PRKCE: variants seen among roughly 807,000 people sequenced by gnomAD.
The protein encoded by PRKCE is protein kinase C epsilon type.
A neutral mutation model predicts 85.4 loss-of-function variants in PRKCE; 16 were observed. That is an observed-to-expected ratio of 0.19 (90% CI 0.13 to 0.28). PRKCE has a LOEUF of 0.28. Among genes scored for constraint, PRKCE ranks in the 10% least tolerant of loss-of-function variants. The probability of loss-of-function intolerance (pLI) is 1.00; values close to 1 mark genes in which losing one functional copy is unlikely to be tolerated. For synonymous variants in PRKCE, 388 were observed against 371.5 expected (o/e 1.04, Z -0.51); for missense variants, 573 against 975.2 (o/e 0.59, Z 5.49).
At chr2:46,046,953 C>T (rs1251573681) in intron 10 of PRKCE, among the ~76,000 whole-genome samples, 1 of 152,192 alleles carries the variant, frequency 6.6e-6, no homozygotes, top group Non-Finnish European at 1.5e-5. Flanking sequence ...CTTAAAATCT[C>T]ATCATGCACA....
intron 10 of PRKCE, among the ~76,000 whole-genome samples, chr2:46,035,060 C>A (rs1707774266): frequency 6.6e-6 from 1 of 152,236 alleles, no homozygotes; most frequent in African/African-American, 2.4e-5. Flanking sequence ...ACCTCTGAAG[C>A]TGAAGGTCTC....
At chr2:45,757,787 C>A (rs758226533) in intron 1 of PRKCE, among the ~76,000 whole-genome samples, 1 of 152,178 alleles carries the variant, frequency 6.6e-6, no homozygotes, top group African/African-American at 2.4e-5. Context: ...TCATTCATTT[C>A]ATTGGAAATG....
At chr2:45,755,507 G>A (rs1009045904) in intron 1 of PRKCE, among the ~76,000 whole-genome samples, 2 of 152,146 alleles carry the variant, frequency 1.3e-5, no homozygotes, top group Non-Finnish European at 2.9e-5. Context: ...GCTGAGAAAT[G>A]CTTATTGACT....
Position 46,001,311 on chromosome 2 carries a change from A to G in PRKCE, c.824-93A>G. ...AAATTATATCTTAAATGAACATGTA[A>G]TACTTCATGAACATATAATACAATC... On this transcript the variant is annotated intron_variant, in intron 6 of 14. Coordinates refer to ENST00000306156, the MANE Select transcript of PRKCE (RefSeq NM_005400.3). The surrounding 1 kb of genome is among the most constrained non-coding windows in gnomAD (Gnocchi z 4.4). The G allele has an allele frequency of 1.7e-6, 2 of 1,168,118 alleles. No homozygotes were observed. The highest frequency in any genetic ancestry group is 2.3e-6 in the Non-Finnish European group (2 of 877,102). 72.4% of individuals were successfully genotyped at this position (1,168,118 alleles called of 1,614,324 possible).
chr2:45,896,147 G>A (rs994488087), intron 2 of PRKCE, among the ~76,000 whole-genome samples: 6 of 152,208 alleles, frequency 3.9e-5, no homozygotes, highest in Admixed American at 3.9e-4. Context: ...CTCGCTCTTT[G>A]TAGGTTGATT....
chr2:45,861,923 G>A (rs1236955470), intron 2 of PRKCE, among the ~76,000 whole-genome samples: 1 of 152,140 alleles, frequency 6.6e-6, no homozygotes, highest in Non-Finnish European at 1.5e-5. Flanking sequence ...AAAAAAGTAA[G>A]TTGGAATAGT....
At chr2:45,939,447 C>A (rs971954404) in intron 2 of PRKCE, among the ~76,000 whole-genome samples, 1 of 152,218 alleles carries the variant, frequency 6.6e-6, no homozygotes, top group African/African-American at 2.4e-5. Context: ...AGAGTAGCAT[C>A]TGGGCACCTT....
At chr2:45,959,194 C>T (rs1701215155) in intron 2 of PRKCE, among the ~76,000 whole-genome samples, 1 of 152,108 alleles carries the variant, frequency 6.6e-6, no homozygotes, top group South Asian at 2.1e-4. Context: ...GCCTGTTTGA[C>T]AGTAGATGCA....
At chr2:45,811,186 C>G (rs1688631324) in intron 1 of PRKCE, among the ~76,000 whole-genome samples, 1 of 152,214 alleles carries the variant, frequency 6.6e-6, no homozygotes, top group Non-Finnish European at 1.5e-5. Context: ...CAGCCTCAGC[C>G]TCAGCCATCA....
intron 1 of PRKCE, among the ~76,000 whole-genome samples, chr2:45,817,520 C>T (rs915973958): frequency 1.5e-5 from 2 of 135,746 alleles, no homozygotes; most frequent in African/African-American, 2.7e-5. Flanking sequence ...GGTGAAACCC[C>T]GTCTCTAATA....
intron 2 of PRKCE, among the ~76,000 whole-genome samples, chr2:45,974,279 A>G (rs181933619): frequency 2.0e-3 from 299 of 152,366 alleles, no homozygotes; most frequent in Admixed American, 3.5e-3. Flanking sequence ...TCTCTATACT[A>G]GAACAGACCT....
In PRKCE at chr2:45,985,834, C is replaced by T. The variant is rs534329611; in HGVS notation, c.823+1154C>T. ...TGGGGACACCTTAACTCGAGGTGCCCGTGGCAAATTGACACGAAGCTGTCC... is the reference window on the plus strand; with the variant it reads ...TGGGGACACCTTAACTCGAGGTGCCTGTGGCAAATTGACACGAAGCTGTCC... On this transcript the variant is annotated intron_variant, in intron 6 of 14. Transcript: ENST00000306156. Among the ~76,000 whole-genome samples the T allele has an allele frequency of 6.6e-5, 10 of 152,264 alleles. No homozygotes were observed. The East Asian group carries it at 1.7e-3, about 26-fold the overall frequency.
chr2:45,928,853 T>C lies in PRKCE; in HGVS notation c.413-47576T>C, dbSNP rs547740973. Among the ~76,000 whole-genome samples, 21 of 152,224 alleles carry C rather than the reference T, an allele frequency of 1.4e-4. No homozygotes were observed. The East Asian group carries it at 3.3e-3, about 24-fold the overall frequency. On this transcript the variant is annotated intron_variant, in intron 2 of 14. Transcript: ENST00000306156. ...AATCCATGCACAACCAGAATTAGAC[T>C]ATTCTGCAGCTGATGGAGCACCTGG... is the stretch of plus-strand genomic sequence containing the variant.
At chr2:46,183,830 A>C (rs1221689980) in intron 14 of PRKCE, among the ~76,000 whole-genome samples, 1 of 152,228 alleles carries the variant, frequency 6.6e-6, no homozygotes, top group Non-Finnish European at 1.5e-5. Flanking sequence ...TGTGTTCTAC[A>C]CAGGACTACT....
At chr2:46,096,756 C>A (rs143801365) in intron 11 of PRKCE, among the ~76,000 whole-genome samples, 82 of 152,318 alleles carry the variant, frequency 5.4e-4, no homozygotes, top group South Asian at 2.5e-3. Context: ...CAAACTAATA[C>A]TGAGAACCTC....
At position 45,757,363 on chromosome 2, in the gene PRKCE, C is replaced by CATTAATA. The variant is rs373846514; in HGVS notation, c.349-85635_349-85629dup. ...TTCAATTGATTGTGGGTAAACTGTC[C>CATTAATA]ATTAATAAAGCTATTATAAAGAGCT... On this transcript the variant is annotated intron_variant, in intron 1 of 14. Transcript: ENST00000306156. 3.0e-3 allele frequency among the ~76,000 whole-genome samples: 441 copies of CATTAATA among 145,334 alleles called. 5 individuals are homozygous for CATTAATA. The highest frequency in any genetic ancestry group is 0.011 in the African/African-American group (426 of 39,074).
intron 1 of PRKCE, chr2:45,770,857 C>T (rs1162308914): frequency 2.1e-5 from 2 of 93,672 alleles, no homozygotes; most frequent in Admixed American, 3.0e-4. Flanking sequence ...CAAATCAAAA[C>T]AAACAAGGGC....
At chr2:46,084,286 A>G (rs1462811230) in intron 10 of PRKCE, among the ~76,000 whole-genome samples, 1 of 152,222 alleles carries the variant, frequency 6.6e-6, no homozygotes, top group African/African-American at 2.4e-5. Flanking sequence ...ATTCTTAACT[A>G]TGGACTTTAT....
In PRKCE at chr2:46,187,351, C is replaced by T. The variant is rs1048434126; in HGVS notation, c.*2470C>T. On this transcript the variant is annotated 3_prime_UTR_variant, in exon 15 of 15. Coordinates refer to ENST00000306156, the MANE Select transcript of PRKCE (RefSeq NM_005400.3). ...AAAGGGCCCTTTTCAGCACCCAAAG[C>T]TGGGCTGGCTGGGATGCCTCTGGCT... 1 of 152,406 alleles carries T rather than the reference C, an allele frequency of 6.6e-6. No homozygotes were observed. Among genetic ancestry groups the T allele is most frequent in the Non-Finnish European group, 1.5e-5 (1 of 68,042 alleles). The allele number at this position is 152,406 out of a possible 1,614,324, so 9.4% of individuals were successfully genotyped here.
Sources: allele counts gnomAD v4.1 joint callset (sites outside exome capture counted in the v4.1 genomes callset), GRCh38; gene constraint gnomAD v4.1.1; non-coding constraint Gnocchi (gnomAD v3.1); transcripts MANE v1.5; gene names NCBI Gene and HGNC (gene_info 2026-07-23, HGNC 2026-07-21).